PTPRT: variants seen among roughly 807,000 people sequenced by gnomAD.
PTPRT encodes the protein protein tyrosine phosphatase receptor type T.
Under a neutral mutation model 176.8 loss-of-function variants are expected in PTPRT, and 56 were observed. That is an observed-to-expected ratio of 0.32 (90% CI 0.26 to 0.40). The LOEUF is 0.40. PTPRT is among the 10% of genes least tolerant of loss of function. PTPRT has a pLI of 1.00. For missense variants in PTPRT, 1,540 were observed against 1,908.2 expected (o/e 0.81, Z 3.60); for synonymous variants, 783 against 739.0 (o/e 1.06, Z -0.96).
intron 11 of PTPRT, among the ~76,000 whole-genome samples, chr20:42,335,870 T>G (rs2058032394): frequency 6.6e-6 from 1 of 152,176 alleles, no homozygotes; most frequent in Non-Finnish European, 1.5e-5. Flanking sequence ...TTAGAAGTAG[T>G]ATAACATAGT....
intron 9 of PTPRT, among the ~76,000 whole-genome samples, chr20:42,391,899 C>T (rs1444171966): frequency 1.3e-5 from 2 of 152,152 alleles, no homozygotes; most frequent in Non-Finnish European, 2.9e-5. Flanking sequence ...TCTAGGTTCT[C>T]CCCAACAGAA....
At chr20:42,967,101 T>C (rs539728609) in intron 1 of PTPRT, among the ~76,000 whole-genome samples, 3 of 152,184 alleles carry the variant, frequency 2.0e-5, no homozygotes, top group African/African-American at 4.8e-5. Flanking sequence ...GTGACATTTG[T>C]GCAAGAGCCC....
Position 42,299,507 on chromosome 20 carries a change from A to G in PTPRT, c.2139+16216T>C, listed in dbSNP as rs193294318. Among the ~76,000 whole-genome samples, 185 of 152,268 alleles carry G rather than the reference A, an allele frequency of 1.2e-3. 1 individual carries two copies. Among genetic ancestry groups the G allele is most frequent in the South Asian group, 4.4e-3 (21 of 4,820 alleles). On this transcript the variant is annotated intron_variant, in intron 12 of 30. Transcript: ENST00000373187. ...ACTTCTTGAGTATTCTATGTTGAAC[A>G]ATAAGTAAATATATGAATAATAATG...
At chr20:42,870,396 C>T (rs1232605206) in intron 2 of PTPRT, among the ~76,000 whole-genome samples, 1 of 152,206 alleles carries the variant, frequency 6.6e-6, no homozygotes, top group East Asian at 1.9e-4. Context: ...TTTTCTTTAT[C>T]CGTCCATCTG....
At chr20:42,418,290 C>A (rs1159450461) in intron 9 of PTPRT, among the ~76,000 whole-genome samples, 1 of 151,924 alleles carries the variant, frequency 6.6e-6, no homozygotes. Flanking sequence ...TAATTAAATG[C>A]AGCTAATAGA....
Position 42,345,366 on chromosome 20 carries a change from TACACAC to T in PTPRT, c.1865+5256_1865+5261del, listed in dbSNP as rs35901100. Among the ~76,000 whole-genome samples the T allele has an allele frequency of 2.4e-3, 322 of 134,092 alleles. 8 individuals carry two copies. The highest frequency in any genetic ancestry group is 8.0e-3 in the African/African-American group (281 of 35,182). 88.0% of individuals were successfully genotyped at this position (134,092 alleles called of 152,430 possible). On this transcript the variant is annotated intron_variant, in intron 11 of 30. Coordinates refer to ENST00000373187, the MANE Select transcript of PTPRT (RefSeq NM_007050.6). Reference sequence around the variant, plus strand: ...AATAAGAGGTAGCTGAAGGCATATATACACACACACACACACACACACACACATATA... The same window carrying T: ...AATAAGAGGTAGCTGAAGGCATATATACACACACACACACACACACATATA...
At chr20:42,836,274 T>C (rs1420879560) in intron 2 of PTPRT, among the ~76,000 whole-genome samples, 2 of 152,106 alleles carry the variant, frequency 1.3e-5, no homozygotes, top group Non-Finnish European at 2.9e-5. Flanking sequence ...CTGCAATACA[T>C]TCCTGGGAGT....
intron 2 of PTPRT, among the ~76,000 whole-genome samples, chr20:42,794,553 G>T (rs1354089013): frequency 6.6e-6 from 1 of 152,198 alleles, no homozygotes; most frequent in African/African-American, 2.4e-5. Context: ...AAGAGCCTAG[G>T]AGAGGGCAGT....
intron 16 of PTPRT, among the ~76,000 whole-genome samples, chr20:42,198,306 A>ATAAATT (rs1991312789): frequency 6.6e-6 from 1 of 152,170 alleles, no homozygotes; most frequent in Non-Finnish European, 1.5e-5. Context: ...ATAGAAGGGG[A>ATAAATT]TAAATTTTTT....
intron 1 of PTPRT, among the ~76,000 whole-genome samples, chr20:42,947,122 G>A (rs1328153351): frequency 6.6e-6 from 1 of 152,156 alleles, no homozygotes; most frequent in Non-Finnish European, 1.5e-5. Context: ...GAATTTTCCA[G>A]GGGCCAATTA....
intron 9 of PTPRT, among the ~76,000 whole-genome samples, chr20:42,410,366 A>G (rs1281158974): frequency 6.6e-6 from 1 of 152,176 alleles, no homozygotes; most frequent in Non-Finnish European, 1.5e-5. Flanking sequence ...ATATAAAAAT[A>G]TGTACAAATG....
At chr20:43,099,347 T>A (rs6016954) in intron 1 of PTPRT, among the ~76,000 whole-genome samples, 20 of 152,072 alleles carry the variant, frequency 1.3e-4, no homozygotes, top group African/African-American at 4.6e-4. Flanking sequence ...TAGCCACAGA[T>A]CAAAGAAGCA....
At chr20:42,850,069 C>T (rs1659693133) in intron 2 of PTPRT, among the ~76,000 whole-genome samples, 1 of 152,206 alleles carries the variant, frequency 6.6e-6, no homozygotes, top group Non-Finnish European at 1.5e-5. Context: ...TTATGAAAGG[C>T]TTGTCCACTG....
At chr20:42,792,353 C>G (rs1159892185) in intron 2 of PTPRT, among the ~76,000 whole-genome samples, 1 of 152,206 alleles carries the variant, frequency 6.6e-6, no homozygotes, top group African/African-American at 2.4e-5. Context: ...ATTGATAAAG[C>G]TGCCTGGGAG....
intron 7 of PTPRT, among the ~76,000 whole-genome samples, chr20:42,506,244 G>T (rs186888673): frequency 1.0e-3 from 153 of 152,162 alleles, no homozygotes; most frequent in African/African-American, 3.6e-3. Flanking sequence ...GTGTACATAT[G>T]GGGAATATGT....
intron 11 of PTPRT, among the ~76,000 whole-genome samples, chr20:42,333,794 C>T (rs1250772879): frequency 6.6e-6 from 1 of 152,180 alleles, no homozygotes; most frequent in Non-Finnish European, 1.5e-5. Context: ...GATTCTTCTG[C>T]CTCAGCCTGC....
At chr20:42,859,527 A>C (rs1342339789) in intron 2 of PTPRT, among the ~76,000 whole-genome samples, 3 of 151,348 alleles carry the variant, frequency 2.0e-5, no homozygotes, top group Non-Finnish European at 4.4e-5. Flanking sequence ...AATTATATCA[A>C]TCATTTTTTG....
At chr20:42,651,326 C>T (rs1404503238) in intron 7 of PTPRT, among the ~76,000 whole-genome samples, 1 of 152,154 alleles carries the variant, frequency 6.6e-6, no homozygotes. Context: ...TATAGGCATA[C>T]CCTATTGATC....
intron 2 of PTPRT, among the ~76,000 whole-genome samples, chr20:42,865,453 T>G (rs1445107146): frequency 6.6e-6 from 1 of 152,222 alleles, no homozygotes; most frequent in Non-Finnish European, 1.5e-5. Context: ...CAATATTCAT[T>G]GAGGGCATTC....
Sources: allele counts gnomAD v4.1 joint callset (sites outside exome capture counted in the v4.1 genomes callset), GRCh38; gene constraint gnomAD v4.1.1; transcripts MANE v1.5; gene names NCBI Gene and HGNC (gene_info 2026-07-23, HGNC 2026-07-21).